Variants in SP3 observed in about 807,000 individuals in gnomAD.
SP3 encodes the protein transcription factor Sp3.
Under a neutral mutation model 70.3 loss-of-function variants are expected in SP3, and 10 were observed. The ratio of observed to expected loss-of-function variants is 0.14; its 90% CI spans 0.09 to 0.24. The LOEUF (loss-of-function observed/expected upper bound fraction) is 0.24. SP3 is among the 10% of genes least tolerant of loss of function. The pLI, the probability that SP3 is intolerant of heterozygous loss-of-function variation, is 1.00. For missense variants in SP3, 825 were observed against 914.6 expected (o/e 0.90, Z 1.26); for synonymous variants, 402 against 333.5 (o/e 1.21, Z -2.24).
intron 5 of SP3, 87 bp downstream of exon 5, chr2:173,918,506 T>C: frequency 7.7e-7 from 1 of 1,299,968 alleles, no homozygotes; most frequent in Non-Finnish European, 1.1e-6. Context: ...TAATTTCTCA[T>C]AATTAAATGA....
chr2:173,924,463 G>T (rs1256767896), intron 4 of SP3, among the ~76,000 whole-genome samples: 1 of 152,176 alleles, frequency 6.6e-6, no homozygotes, highest in Non-Finnish European at 1.5e-5. Context: ...CTGTTAAGGG[G>T]ACTCCTACTC....
chr2:173,951,259 GTC>G (rs1470594568), intron 4 of SP3, among the ~76,000 whole-genome samples: 1 of 152,102 alleles, frequency 6.6e-6, no homozygotes, highest in East Asian at 1.9e-4. Flanking sequence ...GTCTTCAGTA[GTC>G]TGTCACTTAA....
intron 2 of SP3, 179 bp downstream of exon 2, chr2:173,964,226 G>A (rs1275719777): frequency 6.3e-6 from 3 of 476,680 alleles, no homozygotes; most frequent in Non-Finnish European, 7.4e-6. Flanking sequence ...GAGGCGGGGC[G>A]GCGCGGGCGG....
intron 4 of SP3, among the ~76,000 whole-genome samples, chr2:173,952,951 T>G (rs1020752269): frequency 6.6e-6 from 1 of 152,222 alleles, no homozygotes; most frequent in Non-Finnish European, 1.5e-5. Flanking sequence ...GTAATAAAAA[T>G]GCTCTGAAAT....
At chr2:173,948,194 C>G (rs1186225593) in intron 4 of SP3, among the ~76,000 whole-genome samples, 1 of 152,138 alleles carries the variant, frequency 6.6e-6, no homozygotes, top group East Asian at 1.9e-4. Context: ...AAATACTTAG[C>G]AAGTATAGGA....
At position 173,909,903 on chromosome 2, in the gene SP3, A is replaced by G; in HGVS notation, c.*38T>C. The G allele has an allele frequency of 6.3e-7, 1 of 1,588,434 alleles. No individual in the cohort carries two copies. Among genetic ancestry groups the G allele is most frequent in the Non-Finnish European group, 8.6e-7 (1 of 1,159,952 alleles). ...GGAACAATATTCTTCTCACTACTGT[A>G]TAAAAATAACCACAATGAATAAGTA... On this transcript the variant is annotated 3_prime_UTR_variant, in exon 7 of 7. Transcript: ENST00000310015.
intron 4 of SP3, among the ~76,000 whole-genome samples, chr2:173,936,002 TA>T (rs1195536804): frequency 1.3e-5 from 2 of 152,172 alleles, no homozygotes; most frequent in African/African-American, 4.8e-5. Context: ...CCTGTTTAAA[TA>T]AAGTAGCCCC....
Position 173,955,010 on chromosome 2 carries a change from G to C in SP3, c.1502C>G (p.Ala501Gly). ...PVQTLTLGQV[A>G]AGGAFTSTPV... ...AGTTGAAGTGAAGGCTCCACCTGCC[G>C]CAACTTGACCAAGTGTGAGGGTTTG... The change falls in exon 4 of 7, where the codon GCG (alanine) becomes GGG (glycine). Residue 501 changes from alanine (A) to glycine (G), a missense_variant. Ala to Gly is a moderately conservative substitution (Grantham distance 60). Coordinates refer to ENST00000310015, the MANE Select transcript of SP3 (RefSeq NM_003111.5). The C allele has an allele frequency of 1.2e-6, 2 of 1,614,164 alleles. No homozygotes were observed. Among genetic ancestry groups the C allele is most frequent in the Non-Finnish European group, 8.5e-7 (1 of 1,180,022 alleles).
At chr2:173,947,051 C>T (rs1446720821) in intron 4 of SP3, among the ~76,000 whole-genome samples, 1 of 152,090 alleles carries the variant, frequency 6.6e-6, no homozygotes, top group African/African-American at 2.4e-5. Context: ...AGTAATCTGT[C>T]TTCTCTCTGT....
intron 3 of SP3, among the ~76,000 whole-genome samples, chr2:173,957,808 T>C (rs1224936100): frequency 6.6e-6 from 1 of 152,136 alleles, no homozygotes; most frequent in Non-Finnish European, 1.5e-5. Context: ...TGGAACCCAA[T>C]ACAAATCTCT....
In SP3 at chr2:173,904,727, A is replaced by T. The variant is rs939393187; in HGVS notation, c.*5214T>A. On this transcript the variant is annotated 3_prime_UTR_variant, in exon 7 of 7. Transcript: ENST00000310015. ...CTGATTTCTGAACAGCTCCTCACGG[A>T]AGGTGGCAGAAAGTAATGCTCAGAG... is the stretch of plus-strand genomic sequence containing the variant. Among the ~76,000 whole-genome samples, 1 of 152,220 alleles carries T rather than the reference A, an allele frequency of 6.6e-6. No homozygotes were observed. Among genetic ancestry groups the T allele is most frequent in the African/African-American group, 2.4e-5 (1 of 41,442 alleles).
At chr2:173,945,660 C>T (rs1023306617) in intron 4 of SP3, among the ~76,000 whole-genome samples, 1 of 152,182 alleles carries the variant, frequency 6.6e-6, no homozygotes, top group African/African-American at 2.4e-5. Context: ...CTGTACACTA[C>T]TTGTGAGGTG....
intron 4 of SP3, among the ~76,000 whole-genome samples, chr2:173,943,407 T>C (rs568468137): frequency 6.6e-6 from 1 of 152,342 alleles, no homozygotes; most frequent in Admixed American, 6.5e-5. Context: ...TTCAATTTCA[T>C]TTTCTCATAA....
chr2:173,931,472 T>C (rs369973625), intron 4 of SP3, among the ~76,000 whole-genome samples: 1 of 152,066 alleles, frequency 6.6e-6, no homozygotes. Context: ...GCCTCCCGAG[T>C]AGCTAGGACT....
At chr2:173,957,359 T>C (rs1690928943) in intron 3 of SP3, among the ~76,000 whole-genome samples, 1 of 151,798 alleles carries the variant, frequency 6.6e-6, no homozygotes, top group Non-Finnish European at 1.5e-5. Context: ...CACAGACTAG[T>C]CATATGATCA....
intron 6 of SP3, among the ~76,000 whole-genome samples, chr2:173,912,087 G>A (rs185370233): frequency 6.6e-6 from 1 of 152,174 alleles, no homozygotes; most frequent in African/African-American, 2.4e-5. Flanking sequence ...CCAAAGTGCC[G>A]GGATTACAGG....
intron 3 of SP3, among the ~76,000 whole-genome samples, chr2:173,959,907 T>C (rs1051398747): frequency 6.6e-6 from 1 of 152,246 alleles, no homozygotes; most frequent in Non-Finnish European, 1.5e-5. Flanking sequence ...CTCAGTACCT[T>C]TCTTACCGGA....
intron 4 of SP3, among the ~76,000 whole-genome samples, chr2:173,954,542 A>G (rs1690817621): frequency 6.6e-6 from 1 of 152,200 alleles, no homozygotes; most frequent in Admixed American, 6.5e-5. Flanking sequence ...ACATCACACT[A>G]AGGCCAACCA....
chr2:173,911,901 C>T lies in SP3; in HGVS notation c.2029+1169G>A, dbSNP rs543121901. ...TGGCATGACCTTGGCTCACTGCAAC[C>T]GCCGCCCCATGGGCTCAAGCAATCC... On this transcript the variant is annotated intron_variant, in intron 6 of 6. Transcript: ENST00000310015. 9.4e-5 allele frequency among the ~76,000 whole-genome samples: 14 copies of T among 149,514 alleles called. No homozygotes were observed. In the South Asian group the frequency reaches 2.1e-3, roughly 23 times the overall value.
Sources: allele counts gnomAD v4.1 joint callset (sites outside exome capture counted in the v4.1 genomes callset), GRCh38; gene constraint gnomAD v4.1.1; transcripts MANE v1.5; gene names NCBI Gene and HGNC (gene_info 2026-07-23, HGNC 2026-07-21).